Variants in L3MBTL1 observed in about 807,000 individuals in gnomAD.
L3MBTL1 encodes L3MBTL histone methyl-lysine binding protein 1, also known as lethal(3)malignant brain tumor-like protein 1.
L3MBTL1 carries 75 observed loss-of-function variants against 105.3 expected under a neutral mutation model. The observed-to-expected ratio is 0.71, with a 90% confidence interval of 0.59 to 0.86. The LOEUF is 0.86. Ranked by LOEUF, L3MBTL1 falls within the 40% of genes least tolerant of loss-of-function variation. The pLI, the probability that L3MBTL1 is intolerant of heterozygous loss-of-function variation, is 0.00. For synonymous variants in L3MBTL1, 452 were observed against 436.2 expected (o/e 1.04, Z -0.45); for missense variants, 1,069 against 1,126.4 (o/e 0.95, Z 0.73).
At chr20:43,523,370 C>T (rs940176930) in intron 7 of L3MBTL1, 1 of 219,524 alleles carries the variant, frequency 4.6e-6, no homozygotes, top group Admixed American at 4.1e-5. Context: ...TAATGCCAGC[C>T]AAGGTCTCAG....
In L3MBTL1 at chr20:43,536,217, G is replaced by T; in HGVS notation, c.2046G>T (p.Leu682=). The change falls in exon 18 of 22, where the codon CTG becomes CTT. Residue 682 remains leucine, a synonymous_variant. Transcript: ENST00000418998. ...ERNQSRLKAE[L]SDSEASARKK... Reference sequence around the variant, plus strand: ...ACCAGAGCCGGCTGAAAGCGGAGCTGTCTGACTCGGAGGCCTCAGCCCGCA... The same window carrying T: ...ACCAGAGCCGGCTGAAAGCGGAGCTTTCTGACTCGGAGGCCTCAGCCCGCA... 6.2e-7 allele frequency: 1 copy of T among 1,612,828 alleles called. No homozygotes were observed. Among genetic ancestry groups the T allele is most frequent in the Non-Finnish European group, 8.5e-7 (1 of 1,179,708 alleles).
At chr20:43,545,137 A>G (rs777022751), downstream of L3MBTL1, among the ~76,000 whole-genome samples, 14 of 152,000 alleles carry the variant, frequency 9.2e-5, no homozygotes, top group Non-Finnish European at 1.8e-4. Context: ...GGTGGCGCAC[A>G]TCCGTAATCC....
At chr20:43,513,668 A>C (rs775864002) in intron 2 of L3MBTL1, 29 bp downstream of exon 2, 4 of 1,550,478 alleles carry the variant, frequency 2.6e-6, no homozygotes, top group South Asian at 2.4e-5. Flanking sequence ...GGAGTCTGGG[A>C]AGGAAGAGCA....
intron 3 of L3MBTL1, 144 bp downstream of exon 3, chr20:43,514,205 C>G: frequency 1.2e-6 from 1 of 828,298 alleles, no homozygotes; most frequent in Non-Finnish European, 1.9e-6. Context: ...GTGAGGGACT[C>G]TCGGGGCGTG....
At position 43,517,131 on chromosome 20, in the gene L3MBTL1, C is replaced by T. The variant is rs562219578; in HGVS notation, c.862+954C>T. On this transcript the variant is annotated intron_variant, in intron 7 of 21. Coordinates refer to ENST00000418998, the MANE Select transcript of L3MBTL1 (RefSeq NM_001377303.1). ...TTTTTTTCTTTGAGACGGAGTTTCA[C>T]TCTGTTGCCCAGGCTAGAGTGCAGT... Among the ~76,000 whole-genome samples, 3 of 151,268 alleles carry T rather than the reference C, an allele frequency of 2.0e-5. No homozygotes were observed. In the East Asian group the frequency reaches 5.9e-4, roughly 30 times the overall value.
rs1369236817 is a variant in L3MBTL1, at chr20:43,534,398, G to T, written c.1710+4G>T. The T allele has an allele frequency of 6.2e-7, 1 of 1,613,260 alleles. No homozygotes were observed. The highest frequency in any genetic ancestry group is 8.5e-7 in the Non-Finnish European group (1 of 1,179,398). On this transcript the variant is annotated splice_donor_region_variant and intron_variant, in intron 15 of 21. Transcript: ENST00000418998. ...TGTGGAGGACCATCGGATAAAGGTG[G>T]CTCTGGGACCCTAGGGCTGGGAAGT... is the stretch of plus-strand genomic sequence containing the variant.
chr20:43,510,620 T>C (rs937615947), intron 1 of L3MBTL1, among the ~76,000 whole-genome samples: 2 of 151,838 alleles, frequency 1.3e-5, no homozygotes, highest in Admixed American at 6.6e-5. Flanking sequence ...TTTCACCATG[T>C]TGGTCAGACT....
At chr20:43,519,109 G>A (rs1003347952) in intron 7 of L3MBTL1, among the ~76,000 whole-genome samples, 1 of 151,968 alleles carries the variant, frequency 6.6e-6, no homozygotes, top group Non-Finnish European at 1.5e-5. Context: ...GGCTGAGGTG[G>A]ATGGATCACT....
At chr20:43,532,681 C>T in intron 11 of L3MBTL1, 92 bp from the exon 12 acceptor site, 1 of 1,379,444 alleles carries the variant, frequency 7.2e-7, no homozygotes, top group South Asian at 1.3e-5. Flanking sequence ...CCCAGGCTTT[C>T]CTAGAGAACC....
In L3MBTL1 at chr20:43,513,882, T is replaced by C; in HGVS notation, c.181T>C (p.Ser61Pro). 13 of 1,550,628 alleles carry C rather than the reference T, an allele frequency of 8.4e-6. No individual in the cohort carries two copies. The highest frequency in any genetic ancestry group is 1.0e-5 in the Non-Finnish European group (12 of 1,146,992). Reference sequence around the variant, plus strand: ...CCTGCCCAGCAGTGCCCTGGATGTGTCTTGCTTTCCCCGGGAGCCAATCCA... The same window carrying C: ...CCTGCCCAGCAGTGCCCTGGATGTGCCTTGCTTTCCCCGGGAGCCAATCCA... ...LGLPSSALDV[S>P]CFPREPIHVG... Residue 61 changes from serine (S) to proline (P), a missense_variant, in exon 3 of 22, where the codon TCT (serine) becomes CCT (proline). Coordinates refer to ENST00000418998, the MANE Select transcript of L3MBTL1 (RefSeq NM_001377303.1).
intron 3 of L3MBTL1, 64 bp from the exon 4 acceptor site, chr20:43,514,571 C>G: frequency 6.3e-7 from 1 of 1,595,608 alleles, no homozygotes; most frequent in Non-Finnish European, 8.5e-7. Context: ...GCCATGGCAC[C>G]GACTCCGAGA....
intron 7 of L3MBTL1, among the ~76,000 whole-genome samples, chr20:43,524,613 C>T (rs547669283): frequency 1.2e-4 from 19 of 152,242 alleles, no homozygotes; most frequent in Non-Finnish European, 2.5e-4. Flanking sequence ...TCCATCCATC[C>T]ACTCATCCAT....
At chr20:43,542,092 C>G (rs993351583), downstream of L3MBTL1, among the ~76,000 whole-genome samples, 1 of 152,286 alleles carries the variant, frequency 6.6e-6, no homozygotes, top group East Asian at 1.9e-4. Flanking sequence ...CACCTGTAGT[C>G]CCAGCTACTC....
chr20:43,549,861 G>C (rs1978875126), exon 19 of L3MBTL1: 1 of 152,192 alleles, frequency 6.6e-6, no homozygotes, highest in Non-Finnish European at 1.5e-5. Context: ...CCTTAGAAGT[G>C]GGAAACCCAG....
chr20:43,550,036 G>A (rs1459243833), exon 19 of L3MBTL1: 1 of 152,164 alleles, frequency 6.6e-6, no homozygotes, highest in African/African-American at 2.4e-5. Flanking sequence ...AGCCTTCCTG[G>A]AAGGAAGCTA....
At chr20:43,530,211 C>G (rs1260399464) in intron 9 of L3MBTL1, 73 bp from the exon 10 acceptor site, 1 of 1,595,316 alleles carries the variant, frequency 6.3e-7, no homozygotes. Flanking sequence ...CAGACTGGGC[C>G]AGGAGAGGTG....
At chr20:43,525,758 A>G (rs930607707) in intron 7 of L3MBTL1, among the ~76,000 whole-genome samples, 1 of 152,006 alleles carries the variant, frequency 6.6e-6, no homozygotes, top group African/African-American at 2.4e-5. Context: ...CACCCGTGAA[A>G]GGGGTTACTA....
chr20:43,542,159 G>A (rs773157167), downstream of L3MBTL1, among the ~76,000 whole-genome samples: 7 of 152,188 alleles, frequency 4.6e-5, no homozygotes, highest in East Asian at 1.9e-4. Context: ...GCAGTGAGCC[G>A]GGATTGCACC....
At chr20:43,534,500 A>C in intron 15 of L3MBTL1, 106 bp downstream of exon 15, 1 of 865,192 alleles carries the variant, frequency 1.2e-6, no homozygotes, top group South Asian at 1.6e-5. Context: ...GATGAAGCCA[A>C]AGATCTTGAA....
Sources: gnomAD v4.1 joint callset for allele counts (sites outside exome capture counted in the v4.1 genomes callset) on GRCh38, gnomAD v4.1.1 for gene constraint, MANE v1.5 for transcripts, NCBI Gene and HGNC (gene_info 2026-07-23, HGNC 2026-07-21) for gene names.